ASAP1: variants seen among roughly 807,000 people sequenced by gnomAD.
ASAP1 encodes the protein ArfGAP with SH3 domain, ankyrin repeat and PH domain 1, also known as arf-GAP with SH3 domain, ANK repeat and PH domain-containing protein 1.
In ASAP1, 43 loss-of-function variants were observed where a neutral mutation model predicts 145.2. The observed-to-expected ratio is 0.30, with a 90% CI of 0.23 to 0.38. The LOEUF (loss-of-function observed/expected upper bound fraction) is 0.38, where lower values mean the gene tolerates loss of function less well. Ranked by LOEUF, ASAP1 falls within the 10% of genes least tolerant of loss-of-function variation. The pLI is 1.00. For synonymous variants in ASAP1, 546 were observed against 515.5 expected, an observed-to-expected ratio of 1.06 and a Z score of -0.80; for missense variants, 1,018 against 1,355.3, an observed-to-expected ratio of 0.75 and a Z score of 3.91.
chr8:130,413,003 C>T (rs148162193), intron 1 of ASAP1, among the ~76,000 whole-genome samples: 1 of 152,332 alleles, frequency 6.6e-6, no homozygotes, highest in East Asian at 1.9e-4. Context: ...GTATCTGACA[C>T]TAACTACACA....
chr8:130,269,578 CAG>C (rs1486634520), intron 3 of ASAP1, among the ~76,000 whole-genome samples: 1 of 152,202 alleles, frequency 6.6e-6, no homozygotes, highest in African/African-American at 2.4e-5. Flanking sequence ...TTCATACTGA[CAG>C]AGTGGTCATC....
intron 2 of ASAP1, among the ~76,000 whole-genome samples, chr8:130,398,387 C>T (rs1298196871): frequency 6.6e-6 from 1 of 152,004 alleles, no homozygotes; most frequent in East Asian, 1.9e-4. Flanking sequence ...TATGAGTATA[C>T]AATTTAAAAA....
At chr8:130,323,797 A>T (rs1824160897) in intron 3 of ASAP1, among the ~76,000 whole-genome samples, 1 of 152,160 alleles carries the variant, frequency 6.6e-6, no homozygotes, top group Non-Finnish European at 1.5e-5. Context: ...AACAATAAGC[A>T]TCTCCCCTCT....
At chr8:130,229,971 G>C (rs1229587648) in intron 4 of ASAP1, among the ~76,000 whole-genome samples, 2 of 152,054 alleles carry the variant, frequency 1.3e-5, no homozygotes, top group African/African-American at 2.4e-5. Flanking sequence ...AGGCTGAGGA[G>C]GGAGGATCAC....
intron 3 of ASAP1, among the ~76,000 whole-genome samples, chr8:130,337,031 C>T (rs549665800): frequency 2.4e-4 from 37 of 152,328 alleles, no homozygotes; most frequent in African/African-American, 8.4e-4. Flanking sequence ...CCAGACCATA[C>T]TTTACATATC....
At chr8:130,223,536 G>C (rs1365694068) in intron 4 of ASAP1, among the ~76,000 whole-genome samples, 2 of 152,206 alleles carry the variant, frequency 1.3e-5, no homozygotes, top group Non-Finnish European at 2.9e-5. Context: ...TAAGATGACT[G>C]TGGATCAAAT....
intron 3 of ASAP1, among the ~76,000 whole-genome samples, chr8:130,238,256 G>A (rs762678241): frequency 3.3e-5 from 5 of 152,116 alleles, no homozygotes; most frequent in Admixed American, 6.6e-5. Context: ...GGACCACAAT[G>A]CTCAGTCGCT....
At position 130,154,805 on chromosome 8, in the gene ASAP1, T is replaced by C. The variant is rs575460828; in HGVS notation, c.1011-2000A>G. Among the ~76,000 whole-genome samples the C allele has an allele frequency of 2.0e-5, 3 of 152,336 alleles. No homozygotes were observed. In the South Asian group the frequency reaches 6.2e-4, roughly 32 times the overall value. ...CAAATTGAACATACTGTATTCAGAA[T>C]GCTAGCCTTGCTGAGGAGGTAATTT... On this transcript the variant is annotated intron_variant, in intron 12 of 29. Transcript: ENST00000518721.
chr8:130,262,416 A>G (rs2791353), intron 3 of ASAP1, among the ~76,000 whole-genome samples: 1,051 of 56,972 alleles, frequency 0.018, 2 homozygotes, highest in Non-Finnish European at 0.026. Flanking sequence ...AAAAAAAAAA[A>G]AGAGAGAGAG....
intron 2 of ASAP1, among the ~76,000 whole-genome samples, chr8:130,362,871 C>A (rs1481799972): frequency 6.6e-6 from 1 of 151,112 alleles, no homozygotes; most frequent in African/African-American, 2.5e-5. Flanking sequence ...ATAAAATAGC[C>A]TATTTTCATG....
At chr8:130,262,416 A>AAGAGAGAGAGAGAGAGAGAG (rs71513089) in intron 3 of ASAP1, among the ~76,000 whole-genome samples, 5 of 57,848 alleles carry the variant, frequency 8.6e-5, no homozygotes, top group Non-Finnish European at 1.2e-4. Flanking sequence ...AAAAAAAAAA[A>AAGAGAGAGAGAGAGAGAGAG]AGAGAGAGAG....
At chr8:130,227,131 T>C (rs1380027241) in intron 4 of ASAP1, among the ~76,000 whole-genome samples, 2 of 152,260 alleles carry the variant, frequency 1.3e-5, no homozygotes, top group East Asian at 3.8e-4. Flanking sequence ...GAGCTTTAGC[T>C]TCTTGGCTTA....
chr8:130,149,325 A>G (rs6470805), intron 13 of ASAP1, among the ~76,000 whole-genome samples: 53,765 of 150,440 alleles, frequency 0.36, 10,056 homozygotes, highest in East Asian at 0.64. Context: ...GGTTCCCACA[A>G]TTCTGCATTA....
chr8:130,341,326 A>G (rs1018939698), intron 3 of ASAP1, among the ~76,000 whole-genome samples: 1 of 152,136 alleles, frequency 6.6e-6, no homozygotes, highest in Non-Finnish European at 1.5e-5. Flanking sequence ...AAGCACCCAC[A>G]GTGTCTAAGC....
intron 4 of ASAP1, 38 bp from the exon 5 acceptor site, chr8:130,214,739 T>C: frequency 2.0e-6 from 3 of 1,512,680 alleles, no homozygotes; most frequent in Non-Finnish European, 2.7e-6. Context: ...GTCTGAACTA[T>C]TATTTGCCAC....
intron 12 of ASAP1, among the ~76,000 whole-genome samples, chr8:130,153,332 A>AT (rs2097650637): frequency 1.1e-5 from 1 of 87,510 alleles, no homozygotes; most frequent in Admixed American, 1.3e-4. Context: ...CTGCTTTTTA[A>AT]ATATATATAT....
At chr8:130,411,415 T>G (rs188098864) in intron 1 of ASAP1, among the ~76,000 whole-genome samples, 1 of 152,332 alleles carries the variant, frequency 6.6e-6, no homozygotes, top group East Asian at 1.9e-4. Context: ...TGCCCCTTGG[T>G]TCTGACAACC....
intron 3 of ASAP1, among the ~76,000 whole-genome samples, chr8:130,293,953 T>G (rs1822101749): frequency 6.6e-6 from 1 of 152,256 alleles, no homozygotes. Context: ...TAATGCAATT[T>G]GAGCCTCTAT....
At chr8:130,127,843 G>C in intron 16 of ASAP1, 84 bp downstream of exon 16, 1 of 1,505,276 alleles carries the variant, frequency 6.6e-7, no homozygotes, top group Non-Finnish European at 9.0e-7. Flanking sequence ...TAGGGGTTAA[G>C]GTTTTTCAAT....
Sources: allele counts gnomAD v4.1 joint callset (sites outside exome capture counted in the v4.1 genomes callset), GRCh38; gene constraint gnomAD v4.1.1; transcripts MANE v1.5; gene names NCBI Gene and HGNC (gene_info 2026-07-23, HGNC 2026-07-21).